GPATCH2: variants seen among roughly 807,000 people sequenced by gnomAD.
GPATCH2 encodes G patch domain-containing protein 2.
Under a neutral mutation model 58.0 loss-of-function variants are expected in GPATCH2, and 51 were observed. The observed-to-expected ratio is 0.88, with a 90% CI of 0.70 to 1.11. The LOEUF (loss-of-function observed/expected upper bound fraction) is 1.11. GPATCH2 is among the 50% of genes most tolerant of loss of function. The pLI is 0.00. For synonymous variants in GPATCH2, 222 were observed against 218.5 expected (o/e 1.02, Z -0.14); for missense variants, 625 against 652.2 (o/e 0.96, Z 0.45).
intron 5 of GPATCH2, among the ~76,000 whole-genome samples, chr1:217,598,438 T>C (rs1263794428): frequency 6.6e-6 from 1 of 150,612 alleles, no homozygotes; most frequent in African/African-American, 2.4e-5. Flanking sequence ...TAAATAACCA[T>C]CAACATTAAA....
At chr1:217,505,607 C>T (rs557000390) in intron 6 of GPATCH2, among the ~76,000 whole-genome samples, 3 of 152,058 alleles carry the variant, frequency 2.0e-5, no homozygotes, top group African/African-American at 7.2e-5. Flanking sequence ...ACTGAGGTCT[C>T]CTAAAAATGT....
At chr1:217,550,078 T>C (rs1462563900) in intron 5 of GPATCH2, among the ~76,000 whole-genome samples, 1 of 152,204 alleles carries the variant, frequency 6.6e-6, no homozygotes, top group Non-Finnish European at 1.5e-5. Flanking sequence ...TATATTTTTC[T>C]ATTTTATCCC....
chr1:217,622,759 G>A (rs1669260159), intron 1 of GPATCH2, among the ~76,000 whole-genome samples: 1 of 152,190 alleles, frequency 6.6e-6, no homozygotes, highest in Non-Finnish European at 1.5e-5. Context: ...TGGCCAGGCT[G>A]ATCTCAAACT....
At chr1:217,528,887 G>A (rs1289849602) in intron 5 of GPATCH2, among the ~76,000 whole-genome samples, 1 of 152,142 alleles carries the variant, frequency 6.6e-6, no homozygotes, top group South Asian at 2.1e-4. Flanking sequence ...TTGAAGATCC[G>A]AGGCAAATGG....
chr1:217,622,018 C>T (rs1283478258), intron 1 of GPATCH2, among the ~76,000 whole-genome samples: 1 of 152,168 alleles, frequency 6.6e-6, no homozygotes, highest in Non-Finnish European at 1.5e-5. Flanking sequence ...GATTCAAACT[C>T]CAGCAATCAG....
At chr1:217,557,252 C>T (rs1256209713) in intron 5 of GPATCH2, among the ~76,000 whole-genome samples, 1 of 151,860 alleles carries the variant, frequency 6.6e-6, no homozygotes, top group Non-Finnish European at 1.5e-5. Context: ...ACTAAAAATA[C>T]AAAAATTGGC....
intron 5 of GPATCH2, chr1:217,608,564 C>T: frequency 1.0e-6 from 1 of 985,092 alleles, no homozygotes; most frequent in Non-Finnish European, 1.2e-6. Context: ...GCTACAAATC[C>T]CAGCTATGCT....
chr1:217,589,317 G>A (rs74926118), intron 5 of GPATCH2, among the ~76,000 whole-genome samples: 4 of 150,538 alleles, frequency 2.7e-5, no homozygotes, highest in African/African-American at 9.8e-5. Context: ...AAGACACCAT[G>A]CTGCTTTATG....
chr1:217,488,627 C>G (rs1159756262), intron 8 of GPATCH2, among the ~76,000 whole-genome samples: 1 of 151,984 alleles, frequency 6.6e-6, no homozygotes, highest in African/African-American at 2.4e-5. Context: ...TAAGTCCAAC[C>G]TAATTAGTTC....
chr1:217,537,209 CA>C (rs35181738), intron 5 of GPATCH2, among the ~76,000 whole-genome samples: 25,812 of 152,014 alleles, frequency 0.17, 2,949 homozygotes, highest in East Asian at 0.48. Flanking sequence ...TGAATTTCGT[CA>C]GCTTTTTGTT....
intron 5 of GPATCH2, among the ~76,000 whole-genome samples, chr1:217,567,352 T>C (rs1222439091): frequency 6.6e-6 from 1 of 152,192 alleles, no homozygotes. Context: ...AGCCTAAATA[T>C]AGCTCTTACT....
chr1:217,491,709 C>G lies in GPATCH2; in HGVS notation c.1248G>C (p.Lys416Asn), dbSNP rs1661744437. 1 of 1,522,190 alleles carries G rather than the reference C, an allele frequency of 6.6e-7. No individual in the cohort carries two copies. Among genetic ancestry groups the G allele is most frequent in the Non-Finnish European group, 9.0e-7 (1 of 1,107,352 alleles). 94.3% of individuals were successfully genotyped at this position (1,522,190 alleles called of 1,614,324 possible). The change falls in exon 8 of 10, where the codon AAG (lysine) becomes AAC (asparagine). Residue 416 changes from lysine (K) to asparagine (N), a missense_variant. Physicochemically the swap from Lys to Asn is moderately conservative, Grantham distance 94. Coordinates refer to ENST00000366935, the MANE Select transcript of GPATCH2 (RefSeq NM_018040.5). ...TGGCTGTTCTCACAGAACAATTTTT[C>G]TTGTGTCCTCTTTCAGCTCGATTAT... Reference protein sequence around the residue: ...LRDNRAERGHKKNCSVRTASR... With the variant: ...LRDNRAERGHNKNCSVRTASR...
chr1:217,566,093 C>G (rs993813344), intron 5 of GPATCH2, among the ~76,000 whole-genome samples: 1 of 94,634 alleles, frequency 1.1e-5, no homozygotes, highest in Non-Finnish European at 1.9e-5. Flanking sequence ...AAGAGCAAAA[C>G]TCCGTCTCAA....
intron 9 of GPATCH2, among the ~76,000 whole-genome samples, chr1:217,435,342 A>C (rs1658773278): frequency 6.6e-6 from 1 of 152,166 alleles, no homozygotes; most frequent in Non-Finnish European, 1.5e-5. Flanking sequence ...CAAATCTTCC[A>C]AAGAGTACCG....
chr1:217,609,317 A>T (rs867788808), intron 5 of GPATCH2: 5 of 985,212 alleles, frequency 5.1e-6, no homozygotes, highest in Non-Finnish European at 6.0e-6. Flanking sequence ...TAAACATGAC[A>T]ATATGATTCA....
At chr1:217,494,675 C>G (rs1198978457) in intron 7 of GPATCH2, among the ~76,000 whole-genome samples, 1 of 151,776 alleles carries the variant, frequency 6.6e-6, no homozygotes, top group African/African-American at 2.4e-5. Context: ...ACTCGGGAGA[C>G]GGAGGTTGCA....
At chr1:217,454,136 C>T (rs917063866) in intron 8 of GPATCH2, among the ~76,000 whole-genome samples, 11 of 152,180 alleles carry the variant, frequency 7.2e-5, no homozygotes, top group Non-Finnish European at 1.0e-4. Context: ...AATTACCCTC[C>T]CCGCTTTACT....
chr1:217,559,120 C>T (rs1391581666), intron 5 of GPATCH2, among the ~76,000 whole-genome samples: 21 of 152,050 alleles, frequency 1.4e-4, no homozygotes, highest in Admixed American at 1.2e-3. Flanking sequence ...CAAATCTTCT[C>T]GGATGTTACA....
At position 217,610,898 on chromosome 1, in the gene GPATCH2, T is replaced by A. The variant is rs759972884; in HGVS notation, c.1009A>T (p.Ser337Cys). Residue 337 changes from serine (S) to cysteine (C), a missense_variant, in exon 4 of 10, where the codon AGC becomes TGC. Ser to Cys is a moderately radical substitution (Grantham distance 112). Coordinates refer to ENST00000366935, the MANE Select transcript of GPATCH2 (RefSeq NM_018040.5). The stretch of plus-strand genomic sequence containing the variant: ...AGCCAGTGCTACTGACCTCTTCTGC[T>A]TGGGTGTGACATAAGGGGAAAAGAA... ...TGSFPLMSHP[S>C]RRGFQARLSR... The A allele has an allele frequency of 4.3e-6, 7 of 1,611,060 alleles. No individual in the cohort carries two copies. The highest frequency in any genetic ancestry group is 5.9e-6 in the Non-Finnish European group (7 of 1,178,034).
Sources: gnomAD v4.1 joint callset for allele counts (sites outside exome capture counted in the v4.1 genomes callset) on GRCh38, gnomAD v4.1.1 for gene constraint, MANE v1.5 for transcripts, NCBI Gene and HGNC (gene_info 2026-07-23, HGNC 2026-07-21) for gene names.